The following TLL1 variants were observed in gnomAD, a reference collection of about 807,000 sequenced individuals.
TLL1 encodes tolloid-like protein 1.
Under a neutral mutation model 128.2 loss-of-function variants are expected in TLL1, and 49 were observed. The ratio of observed to expected loss-of-function variants is 0.38; its 90% CI spans 0.30 to 0.48. TLL1 has a LOEUF of 0.48. Among genes scored for constraint, TLL1 ranks in the 20% least tolerant of loss-of-function variants. TLL1 has a pLI of 0.96. For missense variants in TLL1, 1,123 were observed against 1,242.0 expected (o/e 0.90, Z 1.44); for synonymous variants, 454 against 418.8 (o/e 1.08, Z -1.03).
chr4:165,929,530 T>A (rs1733423239), intron 1 of TLL1, among the ~76,000 whole-genome samples: 1 of 121,642 alleles, frequency 8.2e-6, no homozygotes, highest in Admixed American at 8.6e-5. Context: ...AAAGCAAGAC[T>A]CCATCTCAAA....
chr4:165,944,163 T>C (rs997823146), intron 1 of TLL1, among the ~76,000 whole-genome samples: 8 of 152,180 alleles, frequency 5.3e-5, no homozygotes, highest in Non-Finnish European at 1.2e-4. Flanking sequence ...AAGTTATTTT[T>C]GTACATCAAA....
At chr4:166,035,575 C>G (rs1265364255) in intron 9 of TLL1, among the ~76,000 whole-genome samples, 1 of 152,040 alleles carries the variant, frequency 6.6e-6, no homozygotes, top group African/African-American at 2.4e-5. Flanking sequence ...GAACTTGAAC[C>G]CAGGTCTTCT....
intron 1 of TLL1, among the ~76,000 whole-genome samples, chr4:165,966,138 A>G (rs1403132775): frequency 6.7e-6 from 1 of 148,948 alleles, no homozygotes; most frequent in Non-Finnish European, 1.5e-5. Context: ...AGATTGTGCC[A>G]CTGCACTCCA....
rs1299517334 is a variant in TLL1 at position 166,077,924 on chromosome 4, A to C, written c.2336A>C (p.His779Pro). ...GCAGCTGAGTGTGAACAGAAGATCC[A>C]CAGTCCAAGTGGCCTCATCACCAGT... ...CKEAECEQKIHSPSGLITSPN... is the reference protein window; with the variant it reads ...CKEAECEQKIPSPSGLITSPN... The change falls in exon 18 of 21, where the codon CAC becomes CCC. Residue 779 changes from histidine (H) to proline (P), a missense_variant. Coordinates refer to ENST00000061240, the MANE Select transcript of TLL1 (RefSeq NM_012464.5). 3 of 1,613,608 alleles carry C rather than the reference A, an allele frequency of 1.9e-6. No individual in the cohort carries two copies. In the South Asian group the frequency reaches 3.3e-5, roughly 18 times the overall value.
chr4:165,942,288 T>C (rs57498503), intron 1 of TLL1, among the ~76,000 whole-genome samples: 5,426 of 151,806 alleles, frequency 0.036, 294 homozygotes, highest in African/African-American at 0.12. Context: ...TTTTTTTTTT[T>C]CTAGCTAACC....
In TLL1 at chr4:165,924,459, A is replaced by G. The variant is rs577517959; in HGVS notation, c.169+50386A>G. ...CGCTTAAGCCAAAGCCTAATCCAGA[A>G]CAAGGCTCTAACTCTATTCAAGGCT... is the stretch of plus-strand genomic sequence containing the variant. On this transcript the variant is annotated intron_variant, in intron 1 of 20. Transcript: ENST00000061240. Among the ~76,000 whole-genome samples the G allele has an allele frequency of 3.3e-5, 5 of 152,318 alleles. No homozygotes were observed. The South Asian group carries it at 1.0e-3, about 32-fold the overall frequency.
At chr4:166,002,594 G>A (rs113668629) in intron 5 of TLL1, among the ~76,000 whole-genome samples, 4,271 of 151,922 alleles carry the variant, frequency 0.028, 136 homozygotes, top group East Asian at 0.15. Context: ...ACAGGTTTGC[G>A]CCACTATGCC....
chr4:166,031,497 A>G (rs529419320), intron 9 of TLL1, among the ~76,000 whole-genome samples: 11 of 149,690 alleles, frequency 7.3e-5, no homozygotes, highest in Middle Eastern at 7.0e-3. Flanking sequence ...CCTCTTGAGT[A>G]GCTGGAATTA....
chr4:166,017,017 C>T (rs1054393542), intron 8 of TLL1, among the ~76,000 whole-genome samples: 6 of 150,900 alleles, frequency 4.0e-5, no homozygotes, highest in African/African-American at 1.2e-4. Context: ...GTTTGGGCTG[C>T]GAATGAATGA....
rs145748446 is a variant in TLL1, at chr4:165,932,306, C to T, written c.170-57075C>T. ...GCTGTGTGACTTGTTCCACATAGCA[C>T]CATCTCTTCCAGGTTGTTTCTTTAT... On this transcript the variant is annotated intron_variant, in intron 1 of 20. Coordinates refer to ENST00000061240, the MANE Select transcript of TLL1 (RefSeq NM_012464.5). Among the ~76,000 whole-genome samples the T allele has an allele frequency of 8.4e-3, 1,278 of 152,290 alleles. 18 individuals carry two copies. The highest frequency in any genetic ancestry group is 0.011 in the Non-Finnish European group (775 of 68,026).
intron 1 of TLL1, among the ~76,000 whole-genome samples, chr4:165,926,849 G>A (rs1018139): frequency 0.18 from 27,567 of 152,056 alleles, 3,679 homozygotes; most frequent in East Asian, 0.41. Context: ...GTTCAACAAC[G>A]GTGGTTTTGG....
At chr4:165,923,300 A>G (rs1733118859) in intron 1 of TLL1, among the ~76,000 whole-genome samples, 1 of 152,014 alleles carries the variant, frequency 6.6e-6, no homozygotes, top group African/African-American at 2.4e-5. Context: ...GTAAGAGATT[A>G]TCAACATTTT....
At chr4:166,034,489 G>C (rs534078960) in intron 9 of TLL1, among the ~76,000 whole-genome samples, 2 of 152,244 alleles carry the variant, frequency 1.3e-5, no homozygotes, top group South Asian at 4.1e-4. Context: ...TAGAGTCATT[G>C]ATTCCAAAAC....
At chr4:165,943,175 C>T (rs1734096359) in intron 1 of TLL1, among the ~76,000 whole-genome samples, 1 of 151,946 alleles carries the variant, frequency 6.6e-6, no homozygotes, top group Admixed American at 6.6e-5. Context: ...AGAATCATTG[C>T]TTAAATGGAT....
At chr4:165,894,859 G>T (rs1731597864) in intron 1 of TLL1, among the ~76,000 whole-genome samples, 1 of 151,684 alleles carries the variant, frequency 6.6e-6, no homozygotes, top group African/African-American at 2.4e-5. Flanking sequence ...GTGTGTGTGT[G>T]TGTGTGTGTG....
At chr4:165,917,067 A>G (rs1367291506) in intron 1 of TLL1, among the ~76,000 whole-genome samples, 1 of 152,052 alleles carries the variant, frequency 6.6e-6, no homozygotes, top group Non-Finnish European at 1.5e-5. Context: ...TTACGGCTTA[A>G]ATTTTCCTTG....
intron 1 of TLL1, among the ~76,000 whole-genome samples, chr4:165,891,473 G>A (rs1731399750): frequency 6.6e-6 from 1 of 152,152 alleles, no homozygotes. Context: ...GAGCACTCAA[G>A]TCACTTCTTG....
chr4:166,001,201 T>A (rs75092926), intron 5 of TLL1, among the ~76,000 whole-genome samples: 5,820 of 152,316 alleles, frequency 0.038, 133 homozygotes, highest in East Asian at 0.059. Flanking sequence ...CGGTTGGCAA[T>A]GTCTGGTGCA....
At chr4:165,883,666 C>T (rs906448963) in intron 1 of TLL1, among the ~76,000 whole-genome samples, 1 of 152,106 alleles carries the variant, frequency 6.6e-6, no homozygotes, top group African/African-American at 2.4e-5. Flanking sequence ...TTAATCACAA[C>T]TACTTATTTG....
Sources: gnomAD v4.1 joint callset for allele counts (sites outside exome capture counted in the v4.1 genomes callset) on GRCh38, gnomAD v4.1.1 for gene constraint, MANE v1.5 for transcripts, NCBI Gene and HGNC (gene_info 2026-07-23, HGNC 2026-07-21) for gene names.